Variants in FASTKD1 observed in about 807,000 individuals in gnomAD.
FASTKD1 encodes the protein FAST kinase domains 1.
Under a neutral mutation model 90.9 loss-of-function variants are expected in FASTKD1, and 94 were observed. The observed-to-expected ratio is 1.03, with a 90% CI of 0.88 to 1.23. The LOEUF (loss-of-function observed/expected upper bound fraction) is 1.23. Among genes scored for constraint, FASTKD1 ranks in the 50% most tolerant of loss-of-function variants. The pLI is 0.00. For missense variants in FASTKD1, 945 were observed against 993.5 expected (o/e 0.95, Z 0.66); for synonymous variants, 319 against 345.8 (o/e 0.92, Z 0.86).
Position 169,560,913 on chromosome 2 carries a change from G to C in FASTKD1, c.573-128C>G. ...GCCAGGGCTGGTCTCAAACTCCTGGGCTTAAGCAATCCTCCCACCTCAGCC... is the reference window on the plus strand; with the variant it reads ...GCCAGGGCTGGTCTCAAACTCCTGGCCTTAAGCAATCCTCCCACCTCAGCC... On this transcript the variant is annotated intron_variant, in intron 4 of 14. Coordinates refer to ENST00000453153, the MANE Select transcript of FASTKD1 (RefSeq NM_024622.6). 5.8e-6 allele frequency: 4 copies of C among 685,240 alleles called. No homozygotes were observed. In the South Asian group the frequency reaches 8.7e-5, roughly 15 times the overall value. 42.4% of individuals were successfully genotyped at this position (685,240 alleles called of 1,614,324 possible).
chr2:169,561,838 A>G (rs1384839618), intron 4 of FASTKD1, among the ~76,000 whole-genome samples: 1 of 137,986 alleles, frequency 7.2e-6, no homozygotes, highest in African/African-American at 2.6e-5. Context: ...AATTTATTGT[A>G]AATTATTTAT....
intron 2 of FASTKD1, among the ~76,000 whole-genome samples, chr2:169,570,624 A>G (rs1469383798): frequency 2.0e-5 from 3 of 152,086 alleles, no homozygotes; most frequent in Non-Finnish European, 4.4e-5. Flanking sequence ...GAGATTGCAA[A>G]CAAGTTATCA....
chr2:169,540,303 A>G, intron 9 of FASTKD1, 124 bp from the exon 10 acceptor site: 1 of 963,496 alleles, frequency 1.0e-6, no homozygotes, highest in Non-Finnish European at 1.5e-6. Context: ...ACTAATCTAC[A>G]CTGTTACAAG....
At chr2:169,536,366 C>A (rs1195443499) in intron 12 of FASTKD1, among the ~76,000 whole-genome samples, 1 of 151,858 alleles carries the variant, frequency 6.6e-6, no homozygotes, top group Non-Finnish European at 1.5e-5. Flanking sequence ...TGTTTCTAGA[C>A]CCTAATTGTC....
At chr2:169,543,528 G>A (rs1237695356) in intron 9 of FASTKD1, among the ~76,000 whole-genome samples, 1 of 152,144 alleles carries the variant, frequency 6.6e-6, no homozygotes, top group Non-Finnish European at 1.5e-5. Context: ...CTAGGTAGTA[G>A]ATGGTACTTG....
chr2:169,544,801 G>A lies in FASTKD1; in HGVS notation c.1736C>T (p.Pro579Leu), dbSNP rs759954911. The A allele has an allele frequency of 1.2e-6, 2 of 1,611,530 alleles. No homozygotes were observed. Among genetic ancestry groups the A allele is most frequent in the Admixed American group, 1.7e-5 (1 of 59,850 alleles). ...TGGATCATAGTTCAATACGCTGAATGGACGAATAATAGCAGGGATTGTAAA... is the reference window on the plus strand; with the variant it reads ...TGGATCATAGTTCAATACGCTGAATAGACGAATAATAGCAGGGATTGTAAA... ...HPFTIPAIIR[P>L]FSVLNYDPPQ... The change falls in exon 9 of 15, where the codon CCA becomes CTA. Residue 579 changes from proline to leucine, a missense_variant. By Grantham distance (98) the Pro-to-Leu change is moderately conservative (BLOSUM62 -3). Coordinates refer to ENST00000453153, the MANE Select transcript of FASTKD1 (RefSeq NM_024622.6).
In FASTKD1 at chr2:169,531,408, C is replaced by T; in HGVS notation, c.2271G>A (p.Met757Ile). The T allele has an allele frequency of 6.2e-7, 1 of 1,613,144 alleles. No individual in the cohort carries two copies. The highest frequency in any genetic ancestry group is 8.5e-7 in the Non-Finnish European group (1 of 1,179,846). ...HNIALGQLPEMPWESNIEIVG... is the reference protein window; with the variant it reads ...HNIALGQLPEIPWESNIEIVG... ...CTATTTCGATATTTGATTCCCAGGG[C>T]ATTTCTGGTAGTTGTCCCAATGCTA... Residue 757 changes from methionine to isoleucine, a missense_variant, in exon 13 of 15, where the codon ATG becomes ATA. Physicochemically the swap from Met to Ile is conservative, Grantham distance 10. Coordinates refer to ENST00000453153, the MANE Select transcript of FASTKD1 (RefSeq NM_024622.6).
chr2:169,561,609 C>A (rs566754407), intron 4 of FASTKD1, among the ~76,000 whole-genome samples: 2 of 150,412 alleles, frequency 1.3e-5, no homozygotes, highest in East Asian at 1.9e-4. Flanking sequence ...GAAAGTATTC[C>A]CAGATGGAAA....
At chr2:169,531,054 A>T (rs1225786996) in intron 13 of FASTKD1, 1 of 676,952 alleles carries the variant, frequency 1.5e-6, no homozygotes, top group South Asian at 1.4e-5. Context: ...CAGTGTAGGA[A>T]GTGGCTAAGT....
chr2:169,537,429 G>C (rs1684772805), intron 11 of FASTKD1, 89 bp from the exon 12 acceptor site: 4 of 844,840 alleles, frequency 4.7e-6, no homozygotes, highest in Non-Finnish European at 7.2e-6. Flanking sequence ...TTGTTGCCCA[G>C]GCTGGAATGC....
At chr2:169,547,262 C>T (rs997035329) in intron 7 of FASTKD1, among the ~76,000 whole-genome samples, 2 of 152,204 alleles carry the variant, frequency 1.3e-5, no homozygotes, top group African/African-American at 4.8e-5. Context: ...CCCTCCCTGA[C>T]CATGCCACCC....
rs1683531010 is a variant in FASTKD1, at chr2:169,560,428, A to G, written c.930T>C (p.Phe310=). The change falls in exon 5 of 15, where the codon TTT becomes TTC. Residue 310 remains phenylalanine, a synonymous_variant. Transcript: ENST00000453153. ...CNHPASFVKL[F]VALGPIAGPE... is the part of the protein sequence containing the mutation. ...GTCCTGCAATGGGTCCCAATGCTAC[A>G]AACAATTTTACAAAGCTAGCAGGAT... is the stretch of plus-strand genomic sequence containing the variant. 1 of 1,569,448 alleles carries G rather than the reference A, an allele frequency of 6.4e-7. No individual in the cohort carries two copies. Among genetic ancestry groups the G allele is most frequent in the Admixed American group, 2.1e-5 (1 of 48,364 alleles).
intron 9 of FASTKD1, among the ~76,000 whole-genome samples, chr2:169,543,778 T>C (rs1217407014): frequency 6.6e-6 from 1 of 151,928 alleles, no homozygotes; most frequent in Admixed American, 6.6e-5. Flanking sequence ...TCAATTTTTC[T>C]GTATATTTGA....
At chr2:169,565,248 G>GTTTTTTTTTTTTTTTTTTT (rs1559159903) in intron 3 of FASTKD1, among the ~76,000 whole-genome samples, 1 of 67,738 alleles carries the variant, frequency 1.5e-5, no homozygotes, top group African/African-American at 5.0e-5. Flanking sequence ...ACCACACCAG[G>GTTTTTTTTTTTTTTTTTTT]CTTTTTTTTT....
chr2:169,571,570 T>A (rs1479026042), intron 2 of FASTKD1, 83 bp downstream of exon 2: 2 of 1,008,154 alleles, frequency 2.0e-6, no homozygotes, highest in Non-Finnish European at 2.8e-6. Context: ...AATAAATAAA[T>A]AAAATGAAAA....
chr2:169,546,152 T>A, intron 8 of FASTKD1, 66 bp downstream of exon 8: 1 of 1,449,246 alleles, frequency 6.9e-7, no homozygotes, highest in Non-Finnish European at 9.2e-7. Context: ...AAAGTGCCTA[T>A]GATAAAAATT....
intron 8 of FASTKD1, among the ~76,000 whole-genome samples, chr2:169,545,712 T>C (rs1685161053): frequency 6.6e-6 from 1 of 152,190 alleles, no homozygotes; most frequent in South Asian, 2.1e-4. Flanking sequence ...TGTTTTTAAA[T>C]GGTAAAAATA....
At chr2:169,569,403 C>T (rs993979009) in intron 2 of FASTKD1, 151 bp from the exon 3 acceptor site, 2 of 728,964 alleles carry the variant, frequency 2.7e-6, no homozygotes, top group Non-Finnish European at 4.6e-6. Flanking sequence ...TTTCAATATT[C>T]TGATTTTTTG....
intron 7 of FASTKD1, among the ~76,000 whole-genome samples, chr2:169,550,506 T>A (rs1436171843): frequency 2.6e-5 from 4 of 152,118 alleles, no homozygotes. Context: ...AGAGATAGGG[T>A]CTCACTCTAT....
Sources: allele counts gnomAD v4.1 joint callset (sites outside exome capture counted in the v4.1 genomes callset), GRCh38; gene constraint gnomAD v4.1.1; transcripts MANE v1.5; gene names NCBI Gene and HGNC (gene_info 2026-07-23, HGNC 2026-07-21).